Variants in NCOA7 observed in about 807,000 individuals in gnomAD.
NCOA7 encodes the protein 140 kDa estrogen receptor-associated protein.
Under a neutral mutation model 104.3 loss-of-function variants are expected in NCOA7, and 45 were observed. The ratio of observed to expected loss-of-function variants is 0.43; its 90% CI spans 0.34 to 0.55. The LOEUF (loss-of-function observed/expected upper bound fraction) is 0.55, where lower values mean the gene tolerates loss of function less well. Among genes scored for constraint, NCOA7 ranks in the 20% least tolerant of loss-of-function variants. The probability of loss-of-function intolerance (pLI) is 0.02; values close to 1 mark genes in which losing one functional copy is unlikely to be tolerated. For missense variants in NCOA7, 1,041 were observed against 1,119.7 expected (o/e 0.93, Z 1.00); for synonymous variants, 398 against 402.3 (o/e 0.99, Z 0.13).
chr6:125,852,794 A>T (rs1006967026), intron 2 of NCOA7, among the ~76,000 whole-genome samples: 1 of 152,156 alleles, frequency 6.6e-6, no homozygotes, highest in African/African-American at 2.4e-5. Flanking sequence ...TACAGGTACC[A>T]TGCTGTTTTG....
intron 2 of NCOA7, among the ~76,000 whole-genome samples, chr6:125,836,841 G>A (rs1299629599): frequency 6.6e-6 from 1 of 152,150 alleles, no homozygotes; most frequent in African/African-American, 2.4e-5. Flanking sequence ...AACTTTCTTG[G>A]TAAAGTCTGC....
intron 2 of NCOA7, among the ~76,000 whole-genome samples, chr6:125,850,888 G>A (rs1253660748): frequency 6.6e-6 from 1 of 152,154 alleles, no homozygotes; most frequent in Non-Finnish European, 1.5e-5. Flanking sequence ...CTAGATTGCT[G>A]CAGAATAATT....
chr6:125,823,024 G>C (rs528347869), intron 2 of NCOA7, among the ~76,000 whole-genome samples: 69 of 151,630 alleles, frequency 4.6e-4, no homozygotes, highest in African/African-American at 1.6e-3. Context: ...GGCATGGAAG[G>C]AGAATGTTAC....
At position 125,923,013 on chromosome 6, in the gene NCOA7, A is replaced by C. The variant is rs1303242260; in HGVS notation, c.2523+179A>C. On this transcript the variant is annotated intron_variant, in intron 13 of 15. Coordinates refer to ENST00000392477, the MANE Select transcript of NCOA7 (RefSeq NM_181782.5). ...AAATATTTTGAAGTAAATCCCAATC[A>C]TTATGGCATTTCACCCCTACATATT... Among the ~76,000 whole-genome samples, 3 of 152,156 alleles carry C rather than the reference A, an allele frequency of 2.0e-5. 1 individual carries two copies. Among genetic ancestry groups the C allele is most frequent in the South Asian group, 4.1e-4 (2 of 4,824 alleles).
intron 1 of NCOA7, among the ~76,000 whole-genome samples, chr6:125,807,425 A>G (rs1411341895): frequency 3.9e-5 from 6 of 152,200 alleles, no homozygotes; most frequent in Admixed American, 3.9e-4. Flanking sequence ...TGATAGCACT[A>G]GTGGGTTTTT....
At position 125,864,107 on chromosome 6, in the gene NCOA7, GCAAA is replaced by G. The variant is rs559515127; in HGVS notation, c.271+8870_271+8873del. On this transcript the variant is annotated intron_variant, in intron 3 of 15. Transcript: ENST00000392477. ...TTCTGTTTTTAGAAATTCATCCTAA[GCAAA>G]CAGTCATGAGCATATTAGAAGATTT... is the stretch of plus-strand genomic sequence containing the variant. 4.4e-5 allele frequency among the ~76,000 whole-genome samples: 6 copies of G among 137,600 alleles called. 2 individuals are homozygous for G. In the East Asian group the frequency reaches 1.3e-3, roughly 29 times the overall value. 90.3% of individuals were successfully genotyped at this position (137,600 alleles called of 152,430 possible).
chr6:125,783,904 G>A (rs1206314233), intron 1 of NCOA7, among the ~76,000 whole-genome samples: 1 of 152,102 alleles, frequency 6.6e-6, no homozygotes, highest in African/African-American at 2.4e-5. Flanking sequence ...TTTGACAACT[G>A]CAGGGTAGGT....
In NCOA7 at chr6:125,931,273, A is replaced by T. The variant is rs1194722000; in HGVS notation, c.*2502A>T. On this transcript the variant is annotated 3_prime_UTR_variant, in exon 16 of 16. Transcript: ENST00000392477. Reference sequence around the variant, plus strand: ...TTCATTCCCTGTAGCCACCCTCCTAATTGTCTCATCAGTTCACGGAAACTG... The same window carrying T: ...TTCATTCCCTGTAGCCACCCTCCTATTTGTCTCATCAGTTCACGGAAACTG... 1.3e-5 allele frequency: 2 copies of T among 151,976 alleles called. No homozygotes were observed. The highest frequency in any genetic ancestry group is 1.5e-5 in the Non-Finnish European group (1 of 67,994). The allele number at this position is 151,976 out of a possible 1,614,324, so 9.4% of individuals were successfully genotyped here.
chr6:125,877,236 T>C (rs545948201), intron 4 of NCOA7, among the ~76,000 whole-genome samples: 1 of 152,282 alleles, frequency 6.6e-6, no homozygotes, highest in East Asian at 1.9e-4. Context: ...CATCTAGTAG[T>C]TGGACCTCTG....
At chr6:125,845,833 C>T (rs28643325) in intron 2 of NCOA7, among the ~76,000 whole-genome samples, 3,246 of 152,222 alleles carry the variant, frequency 0.021, 116 homozygotes, top group African/African-American at 0.072. Flanking sequence ...ATACATCCAC[C>T]GAACCTGTAT....
intron 3 of NCOA7, among the ~76,000 whole-genome samples, chr6:125,857,726 A>G (rs1781697881): frequency 6.6e-6 from 1 of 152,140 alleles, no homozygotes; most frequent in South Asian, 2.1e-4. Context: ...ACGCCCGGCT[A>G]ATTTTCAGCA....
intron 11 of NCOA7, 125 bp downstream of exon 11, chr6:125,915,605 G>A (rs1786997730): frequency 8.5e-7 from 1 of 1,174,572 alleles, no homozygotes; most frequent in Non-Finnish European, 1.2e-6. Context: ...AATTACAGAG[G>A]AAAATAACTT....
intron 11 of NCOA7, chr6:125,919,522 G>A: frequency 7.8e-7 from 1 of 1,283,850 alleles, no homozygotes; most frequent in East Asian, 2.4e-5. Context: ...GTTCTAATTA[G>A]AAAGGATTGT....
chr6:125,863,714 T>C (rs1782229054), intron 3 of NCOA7, among the ~76,000 whole-genome samples: 1 of 138,220 alleles, frequency 7.2e-6, no homozygotes, highest in Admixed American at 6.8e-5. Flanking sequence ...TTCTGGAGGC[T>C]GGAAAGTCCA....
chr6:125,901,039 C>G, intron 10 of NCOA7, among the ~76,000 whole-genome samples: 1 of 152,170 alleles, frequency 6.6e-6, no homozygotes, highest in East Asian at 1.9e-4. Context: ...CAGAATGGAA[C>G]CCCCAGAAGT....
intron 3 of NCOA7, among the ~76,000 whole-genome samples, chr6:125,867,679 G>T (rs1385418238): frequency 3.9e-5 from 6 of 152,116 alleles, no homozygotes; most frequent in African/African-American, 1.4e-4. Context: ...AAATACTTGT[G>T]GTTTAGCCTC....
At position 125,931,438 on chromosome 6, in the gene NCOA7, ACT is replaced by A. The variant is rs1405763362; in HGVS notation, c.*2672_*2673del. On this transcript the variant is annotated 3_prime_UTR_variant, in exon 16 of 16. Coordinates refer to ENST00000392477, the MANE Select transcript of NCOA7 (RefSeq NM_181782.5). ...TCATAATTTCCGTAAGGGACACTTTACTCTCTGATAAATTTTCTTTGGCATCC... is the reference window on the plus strand; with the variant it reads ...TCATAATTTCCGTAAGGGACACTTTACTCTGATAAATTTTCTTTGGCATCC... 6.6e-6 allele frequency: 1 copy of A among 151,990 alleles called. No homozygotes were observed. The highest frequency in any genetic ancestry group is 2.1e-4 in the South Asian group (1 of 4,802). The allele number at this position is 151,990 out of a possible 1,614,324, so 9.4% of individuals were successfully genotyped here. A position where few individuals can be genotyped will look rare whatever the true frequency, so the allele number is the denominator to read the frequency against.
chr6:125,845,421 C>G (rs895892361), intron 2 of NCOA7, among the ~76,000 whole-genome samples: 6 of 152,166 alleles, frequency 3.9e-5, no homozygotes, highest in African/African-American at 1.4e-4. Context: ...CTTATAATTA[C>G]AAAAGTAATA....
intron 3 of NCOA7, among the ~76,000 whole-genome samples, chr6:125,870,834 C>A (rs1012902314): frequency 6.6e-6 from 1 of 152,104 alleles, no homozygotes; most frequent in Non-Finnish European, 1.5e-5. Context: ...GACTTATGGA[C>A]AGGGCACCAA....
Sources: allele counts gnomAD v4.1 joint callset (sites outside exome capture counted in the v4.1 genomes callset), GRCh38; gene constraint gnomAD v4.1.1; transcripts MANE v1.5; gene names NCBI Gene and HGNC (gene_info 2026-07-23, HGNC 2026-07-21).